The following FGFR1OP2 variants were observed in gnomAD, a reference collection of about 807,000 sequenced individuals.
FGFR1OP2 encodes the protein FGFR1 oncogene partner 2, also known as fibroblast growth factor receptor 1 oncogene partner 2.
Under a neutral mutation model 35.2 loss-of-function variants are expected in FGFR1OP2, and 17 were observed. The ratio of observed to expected loss-of-function variants is 0.48; its 90% CI spans 0.33 to 0.73. The LOEUF (loss-of-function observed/expected upper bound fraction) is 0.73. Among genes scored for constraint, FGFR1OP2 ranks in the 30% least tolerant of loss-of-function variants. The probability of loss-of-function intolerance (pLI) is 0.02; values close to 1 mark genes in which losing one functional copy is unlikely to be tolerated. For synonymous variants in FGFR1OP2, 105 were observed against 104.6 expected (o/e 1.00, Z -0.03); for missense variants, 251 against 307.3 (o/e 0.82, Z 1.37).
chr12:26,964,814 C>G lies in FGFR1OP2; in HGVS notation c.*81C>G. 1 of 1,495,306 alleles carries G rather than the reference C, an allele frequency of 6.7e-7. No homozygotes were observed. The highest frequency in any genetic ancestry group is 9.1e-7 in the Non-Finnish European group (1 of 1,100,722). The allele number at this position is 1,495,306 out of a possible 1,614,324, so 92.6% of individuals were successfully genotyped here. ...TGAATGAATGGACAGAAAATTCAAT[C>G]CTTTATTTTTTTCTCTGTAAATATG... On this transcript the variant is annotated 3_prime_UTR_variant, in exon 7 of 7. Coordinates refer to ENST00000229395, the MANE Select transcript of FGFR1OP2 (RefSeq NM_015633.3).
chr12:26,955,972 A>G (rs1565850267), intron 2 of FGFR1OP2, among the ~76,000 whole-genome samples: 1 of 152,090 alleles, frequency 6.6e-6, no homozygotes. Context: ...GATGGCTTTG[A>G]TTGCGGCCCA....
chr12:26,953,936 A>G (rs1938978526), intron 1 of FGFR1OP2, among the ~76,000 whole-genome samples: 1 of 152,300 alleles, frequency 6.6e-6, no homozygotes, highest in Non-Finnish European at 1.5e-5. Context: ...ACTGTGTTCT[A>G]ATTTTTTTGT....
chr12:26,944,939 G>A (rs574034515), intron 1 of FGFR1OP2, among the ~76,000 whole-genome samples: 4 of 152,130 alleles, frequency 2.6e-5, no homozygotes, highest in African/African-American at 9.6e-5. Flanking sequence ...GTGACTTTAT[G>A]TAGTTTGTGT....
At chr12:26,957,513 T>C in intron 3 of FGFR1OP2, 88 bp from the exon 4 acceptor site, 3 of 1,172,684 alleles carry the variant, frequency 2.6e-6, no homozygotes, top group Non-Finnish European at 1.2e-6. Flanking sequence ...CTTTTTAAAA[T>C]GTCCCGTTCA....
intron 1 of FGFR1OP2, among the ~76,000 whole-genome samples, chr12:26,946,680 C>A (rs2136349834): frequency 6.6e-6 from 1 of 152,324 alleles, no homozygotes; most frequent in East Asian, 1.9e-4. Flanking sequence ...ATATGTAATT[C>A]ACATACCATA....
intron 1 of FGFR1OP2, among the ~76,000 whole-genome samples, chr12:26,949,926 G>A (rs1348173402): frequency 1.3e-5 from 2 of 152,040 alleles, no homozygotes; most frequent in Non-Finnish European, 2.9e-5. Flanking sequence ...TTCTGATTAT[G>A]TCAGTTTTTA....
At chr12:26,962,544 C>A (rs944198009) in intron 5 of FGFR1OP2, 3 of 151,974 alleles carry the variant, frequency 2.0e-5, no homozygotes, top group Non-Finnish European at 4.4e-5. Context: ...GATTTTAAAC[C>A]TTTTTTGTCT....
At chr12:26,944,868 C>A (rs1041437041) in intron 1 of FGFR1OP2, among the ~76,000 whole-genome samples, 3 of 152,100 alleles carry the variant, frequency 2.0e-5, no homozygotes, top group African/African-American at 7.2e-5. Context: ...TTTCTAATTA[C>A]AAATTCAGTT....
At chr12:26,960,891 T>C (rs776814376) in intron 5 of FGFR1OP2, 18 of 255,074 alleles carry the variant, frequency 7.1e-5, no homozygotes, top group Non-Finnish European at 1.3e-4. Flanking sequence ...ATTTATTTGC[T>C]CTTGTTAGTT....
At chr12:26,945,339 A>G (rs990740082) in intron 1 of FGFR1OP2, among the ~76,000 whole-genome samples, 1 of 152,206 alleles carries the variant, frequency 6.6e-6, no homozygotes, top group African/African-American at 2.4e-5. Context: ...TCTAATATAA[A>G]CATTTAATGC....
At chr12:26,960,676 T>A (rs776802431) in intron 5 of FGFR1OP2, 48 bp downstream of exon 5, 12 of 1,560,656 alleles carry the variant, frequency 7.7e-6, no homozygotes, top group Non-Finnish European at 1.0e-5. Flanking sequence ...GGAAGGGGGG[T>A]CCATTTTAAA....
chr12:26,960,709 C>G, intron 5 of FGFR1OP2, 81 bp downstream of exon 5: 1 of 1,500,894 alleles, frequency 6.7e-7, no homozygotes, highest in Non-Finnish European at 8.9e-7. Flanking sequence ...TTGAATTTCC[C>G]TCCCAGATTA....
intron 1 of FGFR1OP2, among the ~76,000 whole-genome samples, chr12:26,942,858 A>G (rs541275698): frequency 6.6e-6 from 1 of 152,120 alleles, no homozygotes; most frequent in Non-Finnish European, 1.5e-5. Flanking sequence ...TAGTTGGATA[A>G]GTGATTTGAA....
chr12:26,943,606 C>T (rs1938771971), intron 1 of FGFR1OP2, among the ~76,000 whole-genome samples: 1 of 152,160 alleles, frequency 6.6e-6, no homozygotes, highest in Non-Finnish European at 1.5e-5. Flanking sequence ...AGGAGGATCA[C>T]TTGAGGTCAG....
At chr12:26,940,843 C>T (rs1938723409) in intron 1 of FGFR1OP2, among the ~76,000 whole-genome samples, 1 of 152,066 alleles carries the variant, frequency 6.6e-6, no homozygotes, top group Non-Finnish European at 1.5e-5. Flanking sequence ...TTTTTTTCGT[C>T]TTTAATTTCT....
chr12:26,960,529 T>A lies in FGFR1OP2; in HGVS notation c.411T>A (p.His137Gln), dbSNP rs749153167. Residue 137 changes from histidine (H) to glutamine (Q), a missense_variant, in exon 5 of 7, where the codon CAT becomes CAA. Transcript: ENST00000229395. The part of the protein sequence containing the change: ...KEQHSKIDMV[H>Q]RNKSEGFFLD... ...CTATACTACAGATTGACATGGTACA[T>A]CGTAACAAGTCCGAAGGATTCTTCC... 1 of 1,612,570 alleles carries A rather than the reference T, an allele frequency of 6.2e-7. No homozygotes were observed. Among genetic ancestry groups the A allele is most frequent in the Non-Finnish European group, 8.5e-7 (1 of 1,178,926 alleles).
At chr12:26,953,470 CT>C (rs1938970247) in intron 1 of FGFR1OP2, 1 of 152,134 alleles carries the variant, frequency 6.6e-6, no homozygotes, top group Non-Finnish European at 1.5e-5. Flanking sequence ...AAACATATTG[CT>C]TACTGATTTT....
chr12:26,956,281 TTAAG>T (rs1337040928), intron 2 of FGFR1OP2, among the ~76,000 whole-genome samples: 1 of 152,050 alleles, frequency 6.6e-6, no homozygotes, highest in Non-Finnish European at 1.5e-5. Context: ...GTTAGGTTAA[TTAAG>T]TATCTTTTCA....
intron 1 of FGFR1OP2, among the ~76,000 whole-genome samples, chr12:26,943,740 G>A (rs1938774537): frequency 6.6e-6 from 1 of 152,082 alleles, no homozygotes; most frequent in Non-Finnish European, 1.5e-5. Flanking sequence ...CAAGAGAATC[G>A]CTTGAACCCA....
Sources: gnomAD v4.1 joint callset for allele counts (sites outside exome capture counted in the v4.1 genomes callset) on GRCh38, gnomAD v4.1.1 for gene constraint, MANE v1.5 for transcripts, NCBI Gene and HGNC (gene_info 2026-07-23, HGNC 2026-07-21) for gene names.